ERV3-1: variants seen among roughly 807,000 people sequenced by gnomAD.
The protein encoded by ERV3-1 is endogenous retrovirus group 3 member 1 Env polyprotein.
Under a neutral mutation model 24.6 loss-of-function variants are expected in ERV3-1, and 36 were observed. The ratio of observed to expected loss-of-function variants is 1.47; its 90% confidence interval spans 1.12 to 1.94. The LOEUF (loss-of-function observed/expected upper bound fraction) is 1.94. Ranked by LOEUF, ERV3-1 falls within the 30% of genes most tolerant of loss-of-function variation. The pLI is 0.00. For synonymous variants in ERV3-1, 211 were observed against 122.6 expected (o/e 1.72, Z -4.76); for missense variants, 578 against 330.9 (o/e 1.75, Z -5.79).
chr7:65,003,169 A>G (rs963702168), intron 1 of ERV3-1, among the ~76,000 whole-genome samples: 1 of 152,162 alleles, frequency 6.6e-6, no homozygotes, highest in Admixed American at 6.5e-5. Context: ...AAGGTTTCCT[A>G]GAAAGAATGA....
At position 65,006,569 on chromosome 7, in the gene ERV3-1, G is replaced by C. The variant is rs879479560; in HGVS notation, c.-417C>G. On this transcript the variant is annotated 5_prime_UTR_variant, in exon 1 of 2. Transcript: ENST00000394323. ...TTCTAGGCTTCCAGTGGGTCCTGGC[G>C]TCTTAGCTGTGGATCTCCCAATACC... 147 of 1,575,362 alleles carry C rather than the reference G, an allele frequency of 9.3e-5. No homozygotes were observed. Among genetic ancestry groups the C allele is most frequent in the Middle Eastern group, 5.0e-4 (3 of 5,990 alleles).
At position 64,991,984 on chromosome 7, in the gene ERV3-1, C is replaced by A. The variant is rs140714007; in HGVS notation, c.1043G>T (p.Arg348Leu). The change falls in exon 2 of 2, where the codon CGC becomes CTC. Residue 348 changes from arginine (R) to leucine (L), a missense_variant. Arg to Leu is a moderately radical substitution (Grantham distance 102, BLOSUM62 -2). Coordinates refer to ENST00000394323, the MANE Select transcript of ERV3-1 (RefSeq NM_001007253.4). ...TGGGTCTGTAAAGGCCTTTCCCCAG[C>A]GAGCAATACAGAATTTTCCAATAAT... is the stretch of plus-strand genomic sequence containing the variant. The part of the protein sequence containing the change: ...TSIIGKFCIA[R>L]WGKAFTDPVG... 24 of 766,234 alleles carry A rather than the reference C, an allele frequency of 3.1e-5. 1 individual carries two copies. Among genetic ancestry groups the A allele is most frequent in the South Asian group, 2.4e-4 (18 of 74,616 alleles). The allele number at this position is 766,234 out of a possible 1,614,324, so 47.5% of individuals were successfully genotyped here. A position where few individuals can be genotyped will look rare whatever the true frequency, so the allele number is the denominator to read the frequency against.
At chr7:64,994,263 G>A (rs575815364) in intron 1 of ERV3-1, among the ~76,000 whole-genome samples, 2 of 152,286 alleles carry the variant, frequency 1.3e-5, no homozygotes, top group Admixed American at 1.3e-4. Flanking sequence ...ACATAGAAAT[G>A]GCGTCCTAGT....
intron 1 of ERV3-1, among the ~76,000 whole-genome samples, chr7:64,996,271 A>C (rs902333699): frequency 3.9e-5 from 6 of 152,200 alleles, no homozygotes; most frequent in African/African-American, 1.2e-4. Context: ...CCATGGTCAC[A>C]GAGCCACTTT....
In ERV3-1 at chr7:64,992,946, T is replaced by A. The variant is rs1038460509; in HGVS notation, c.81A>T (p.Gly27=). The change falls in exon 2 of 2, where the codon GGA becomes GGT. Residue 27 remains glycine, a synonymous_variant. Coordinates refer to ENST00000394323, the MANE Select transcript of ERV3-1 (RefSeq NM_001007253.4). The part of the protein sequence containing the change: ...LSMLKGEPWE[G]CLHCTHTTWS... ...ACGTAGTGTGGGTGCAGTGGAGGCA[T>A]CCCTCCCAGGGTTCTCCTTTTAACA... The A allele has an allele frequency of 2.6e-6, 2 of 766,360 alleles. No individual in the cohort carries two copies. The highest frequency in any genetic ancestry group is 2.7e-5 in the South Asian group (2 of 74,622). 47.5% of individuals were successfully genotyped at this position (766,360 alleles called of 1,614,324 possible). A position where few individuals can be genotyped will look rare whatever the true frequency, so the allele number is the denominator to read the frequency against.
Position 64,992,803 on chromosome 7 carries a change from C to G in ERV3-1, c.224G>C (p.Arg75Thr). ...GTCATAACACACATAAGGCTGGCCC[C>G]TTCCTGGGTCACAGACTGAGTAGGT... ...QTTYSVCDPG[R>T]GQPYVCYDPK... is the part of the protein sequence containing the mutation. The change falls in exon 2 of 2, where the codon AGG becomes ACG. Residue 75 changes from arginine (R) to threonine (T), a missense_variant. By Grantham distance (71) the Arg-to-Thr change is moderately conservative. Coordinates refer to ENST00000394323, the MANE Select transcript of ERV3-1 (RefSeq NM_001007253.4). The G allele has an allele frequency of 1.3e-6, 1 of 766,420 alleles. No individual in the cohort carries two copies. The highest frequency in any genetic ancestry group is 2.4e-5 in the East Asian group (1 of 41,236). 47.5% of individuals were successfully genotyped at this position (766,420 alleles called of 1,614,324 possible).
intron 1 of ERV3-1, among the ~76,000 whole-genome samples, chr7:65,002,841 TCCTC>T (rs749290828): frequency 5.3e-5 from 8 of 152,190 alleles, no homozygotes; most frequent in Non-Finnish European, 1.0e-4. Flanking sequence ...TCTTTTTTGC[TCCTC>T]CCTAAGAAAG....
At chr7:64,996,057 A>G (rs1033041249) in intron 1 of ERV3-1, among the ~76,000 whole-genome samples, 1 of 152,246 alleles carries the variant, frequency 6.6e-6, no homozygotes, top group Non-Finnish European at 1.5e-5. Flanking sequence ...CTTTAAGTCC[A>G]GGACTGTAAA....
In ERV3-1 at chr7:64,991,987, G is replaced by A. The variant is rs1479673025; in HGVS notation, c.1040C>T (p.Ala347Val). 1.3e-6 allele frequency: 1 copy of A among 766,402 alleles called. No individual in the cohort carries two copies. The highest frequency in any genetic ancestry group is 2.4e-6 in the Non-Finnish European group (1 of 417,906). 47.5% of individuals were successfully genotyped at this position (766,402 alleles called of 1,614,324 possible). A position where few individuals can be genotyped will look rare whatever the true frequency, so the allele number is the denominator to read the frequency against. ...KTSIIGKFCI[A>V]RWGKAFTDPV... is the part of the protein sequence containing the mutation. Reference sequence around the variant, plus strand: ...GTCTGTAAAGGCCTTTCCCCAGCGAGCAATACAGAATTTTCCAATAATGGA... The same window carrying A: ...GTCTGTAAAGGCCTTTCCCCAGCGAACAATACAGAATTTTCCAATAATGGA... The change falls in exon 2 of 2, where the codon GCT becomes GTT. Residue 347 changes from alanine to valine, a missense_variant. By Grantham distance (64) the Ala-to-Val change is moderately conservative (BLOSUM62 0). Coordinates refer to ENST00000394323, the MANE Select transcript of ERV3-1 (RefSeq NM_001007253.4).
rs1414665923 is a variant in ERV3-1 at position 64,991,939 on chromosome 7, A to T, written c.1088T>A (p.Leu363Gln). The T allele has an allele frequency of 7.8e-6, 6 of 766,268 alleles. No homozygotes were observed. The highest frequency in any genetic ancestry group is 6.8e-5 in the African/African-American group (4 of 59,122). 47.5% of individuals were successfully genotyped at this position (766,268 alleles called of 1,614,324 possible). ...FTDPVGELTC[L>Q]GQQYYNETLG... is the part of the protein sequence containing the mutation. Reference sequence around the variant, plus strand: ...TGTCTCGTTGTAATATTGTTGTCCTAGGCAAGTTAACTCTCCTACTGGGTC... The same window carrying T: ...TGTCTCGTTGTAATATTGTTGTCCTTGGCAAGTTAACTCTCCTACTGGGTC... Residue 363 changes from leucine to glutamine, a missense_variant, in exon 2 of 2, where the codon CTA becomes CAA. Transcript: ENST00000394323.
rs1038770114 is a variant in ERV3-1, at chr7:64,991,318, A to C, written c.1709T>G (p.Leu570Arg). 9 of 710,492 alleles carry C rather than the reference A, an allele frequency of 1.3e-5. No homozygotes were observed. The highest frequency in any genetic ancestry group is 2.3e-5 in the Non-Finnish European group (9 of 387,952). The allele number at this position is 710,492 out of a possible 1,614,324, so 44.0% of individuals were successfully genotyped here. A position where few individuals can be genotyped will look rare whatever the true frequency, so the allele number is the denominator to read the frequency against. Residue 570 changes from leucine to arginine, a missense_variant, in exon 2 of 2, where the codon CTT becomes CGT. By Grantham distance (102) the Leu-to-Arg change is moderately radical (BLOSUM62 -2). Transcript: ENST00000394323. ...ATCAAGTTCCAGGCAGCAGTTAGTA[A>C]GGTTGAACTTTCCGCATACTCCCTC... ...QEEGVCGKFNLTNCCLELDDE... is the reference protein window; with the variant it reads ...QEEGVCGKFNRTNCCLELDDE...
At chr7:65,006,260 G>A (rs531064371) in intron 1 of ERV3-1, 1 of 521,972 alleles carries the variant, frequency 1.9e-6, no homozygotes, top group Non-Finnish European at 3.4e-6. Flanking sequence ...CTGCACAATC[G>A]GGGAGAGCTG....
intron 1 of ERV3-1, among the ~76,000 whole-genome samples, chr7:64,994,983 C>T (rs551704118): frequency 1.8e-4 from 28 of 152,332 alleles, no homozygotes; most frequent in Admixed American, 2.6e-4. Context: ...AAGGTCTCCT[C>T]GACTGGAGAA....
chr7:64,992,048 C>T lies in ERV3-1; in HGVS notation c.979G>A (p.Ala327Thr). The part of the protein sequence containing the change: ...FTLTASSLEP[A>T]PSSQSIWFLK... ...AACCAGATGCTCTGACTTGATGGTGCAGGTTCGAGGGAAGAGGCGGTTAGT... is the reference window on the plus strand; with the variant it reads ...AACCAGATGCTCTGACTTGATGGTGTAGGTTCGAGGGAAGAGGCGGTTAGT... Residue 327 changes from alanine (A) to threonine (T), a missense_variant, in exon 2 of 2, where the codon GCA becomes ACA. Physicochemically the swap from Ala to Thr is moderately conservative, Grantham distance 58 (BLOSUM62 0). Coordinates refer to ENST00000394323, the MANE Select transcript of ERV3-1 (RefSeq NM_001007253.4). 1 of 766,360 alleles carries T rather than the reference C, an allele frequency of 1.3e-6. No individual in the cohort carries two copies. The highest frequency in any genetic ancestry group is 2.4e-6 in the Non-Finnish European group (1 of 417,896). The allele number at this position is 766,360 out of a possible 1,614,324, so 47.5% of individuals were successfully genotyped here.
At chr7:65,006,488 A>C in intron 1 of ERV3-1, 53 bp downstream of exon 1, 2 of 1,564,298 alleles carry the variant, frequency 1.3e-6, no homozygotes, top group Non-Finnish European at 1.8e-6. Context: ...ACTTCCCACC[A>C]GTTCCAACCA....
intron 1 of ERV3-1, chr7:65,004,357 C>A (rs532591546): frequency 6.6e-6 from 1 of 152,116 alleles, no homozygotes; most frequent in Non-Finnish European, 1.5e-5. Flanking sequence ...AGCAAAACTC[C>A]GTCTCAAAAC....
At chr7:64,998,842 T>C (rs1047475166) in intron 1 of ERV3-1, among the ~76,000 whole-genome samples, 1 of 152,204 alleles carries the variant, frequency 6.6e-6, no homozygotes, top group Non-Finnish European at 1.5e-5. Flanking sequence ...GTACAGTCTA[T>C]GCTAAGAGAC....
rs1208262235 is a variant in ERV3-1 at position 64,993,069 on chromosome 7, G to T, written c.-43C>A. On this transcript the variant is annotated 5_prime_UTR_variant, in exon 2 of 2. Coordinates refer to ENST00000394323, the MANE Select transcript of ERV3-1 (RefSeq NM_001007253.4). ...TCCTGGGGGGAGAAGGCTAAGCAAA[G>T]TGACAGCTTAATAGCAAAGTAATTA... The T allele has an allele frequency of 1.5e-6, 1 of 678,352 alleles. No homozygotes were observed. The highest frequency in any genetic ancestry group is 1.8e-5 in the African/African-American group (1 of 56,602). 42.0% of individuals were successfully genotyped at this position (678,352 alleles called of 1,614,324 possible). A position where few individuals can be genotyped will look rare whatever the true frequency, so the allele number is the denominator to read the frequency against.
At chr7:64,995,326 G>C (rs1438907267) in intron 1 of ERV3-1, among the ~76,000 whole-genome samples, 6 of 152,180 alleles carry the variant, frequency 3.9e-5, no homozygotes, top group African/African-American at 1.2e-4. Flanking sequence ...TACACCACTG[G>C]GCGATGCCAT....
Sources: allele counts gnomAD v4.1 joint callset (sites outside exome capture counted in the v4.1 genomes callset), GRCh38; gene constraint gnomAD v4.1.1; transcripts MANE v1.5; gene names NCBI Gene and HGNC (gene_info 2026-07-23, HGNC 2026-07-21).